Variants in RNF220 observed in about 807,000 individuals in gnomAD.
RNF220 encodes E3 ubiquitin-protein ligase RNF220.
Under a neutral mutation model 67.1 loss-of-function variants are expected in RNF220, and 7 were observed. The observed-to-expected ratio is 0.10, with a 90% CI of 0.06 to 0.20. RNF220 has a LOEUF of 0.20. RNF220 is among the 10% of genes least tolerant of loss of function. The probability of loss-of-function intolerance (pLI) is 1.00; values close to 1 mark genes in which losing one functional copy is unlikely to be tolerated. For missense variants in RNF220, 565 were observed against 740.3 expected, an observed-to-expected ratio of 0.76 and a Z score of 2.75; for synonymous variants, 270 against 283.2, an observed-to-expected ratio of 0.95 and a Z score of 0.47.
In RNF220 at chr1:44,651,476, A is replaced by C. The variant is rs1644785005; in HGVS notation, c.*701A>C. 1 of 152,974 alleles carries C rather than the reference A, an allele frequency of 6.5e-6. No homozygotes were observed. Among genetic ancestry groups the C allele is most frequent in the African/African-American group, 2.4e-5 (1 of 41,460 alleles). The allele number at this position is 152,974 out of a possible 1,614,324, so 9.5% of individuals were successfully genotyped here. A position where few individuals can be genotyped will look rare whatever the true frequency, so the allele number is the denominator to read the frequency against. On this transcript the variant is annotated 3_prime_UTR_variant, in exon 15 of 15. Coordinates refer to ENST00000361799, the MANE Select transcript of RNF220 (RefSeq NM_018150.4). ...TTATAAGGAGTTGGGGGGTAGAGGC[A>C]GGAAATGGGAACCGAGCTGAAGCAG... is the stretch of plus-strand genomic sequence containing the variant.
intron 8 of RNF220, among the ~76,000 whole-genome samples, chr1:44,639,671 C>T (rs752761252): frequency 6.6e-6 from 1 of 152,238 alleles, no homozygotes; most frequent in Non-Finnish European, 1.5e-5. Context: ...TCTTATCTTT[C>T]ATGAGTTCCT....
At chr1:44,591,691 C>T (rs12127289) in intron 2 of RNF220, among the ~76,000 whole-genome samples, 49,084 of 151,980 alleles carry the variant, frequency 0.32, 8,096 homozygotes, top group African/African-American at 0.34. Flanking sequence ...ATAAGTCCTC[C>T]CGGCTCTGAA....
At chr1:44,440,283 G>T (rs1306591035) in intron 2 of RNF220, among the ~76,000 whole-genome samples, 1 of 152,200 alleles carries the variant, frequency 6.6e-6, no homozygotes, top group South Asian at 2.1e-4. Context: ...ATTGCAGAGG[G>T]TTCTGTTGGA....
intron 2 of RNF220, among the ~76,000 whole-genome samples, chr1:44,594,838 A>G (rs540402309): frequency 6.6e-6 from 1 of 152,320 alleles, no homozygotes; most frequent in East Asian, 1.9e-4. Flanking sequence ...AGTTAGGTTT[A>G]GGTTCAGAGC....
intron 2 of RNF220, among the ~76,000 whole-genome samples, chr1:44,458,476 C>G (rs1275694747): frequency 6.6e-6 from 1 of 151,936 alleles, no homozygotes; most frequent in Non-Finnish European, 1.5e-5. Context: ...TCCTCAGTAA[C>G]CACTTCAGAG....
At chr1:44,443,006 C>T (rs1333200296) in intron 2 of RNF220, among the ~76,000 whole-genome samples, 1 of 152,188 alleles carries the variant, frequency 6.6e-6, no homozygotes, top group African/African-American at 2.4e-5. Flanking sequence ...AATAAGACTT[C>T]TCAAATAACT....
intron 2 of RNF220, among the ~76,000 whole-genome samples, chr1:44,478,057 C>T (rs1655447485): frequency 1.3e-5 from 2 of 152,196 alleles, no homozygotes; most frequent in South Asian, 4.1e-4. Flanking sequence ...CGGCTCACTG[C>T]AGCCTCTGCC....
chr1:44,407,424 G>T (rs978325402), intron 1 of RNF220, among the ~76,000 whole-genome samples: 1 of 152,216 alleles, frequency 6.6e-6, no homozygotes, highest in African/African-American at 2.4e-5. Context: ...ATGAGCAGAG[G>T]GGGGAAAGGC....
chr1:44,557,007 C>G (rs1023670575), intron 2 of RNF220, among the ~76,000 whole-genome samples: 3 of 151,728 alleles, frequency 2.0e-5, no homozygotes, highest in Non-Finnish European at 4.4e-5. Context: ...ACAATCCCTC[C>G]GCTAATAGGG....
chr1:44,421,478 A>C lies in RNF220; in HGVS notation c.625+8756A>C, dbSNP rs531356184. On this transcript the variant is annotated intron_variant, in intron 2 of 14. Coordinates refer to ENST00000361799, the MANE Select transcript of RNF220 (RefSeq NM_018150.4). ...GAGACAAATCTGTGAACCTTCCCCC[A>C]TCTGTGTGTGTCACAGTCCCACAGC... 4.4e-4 allele frequency among the ~76,000 whole-genome samples: 67 copies of C among 151,984 alleles called. 1 individual carries two copies. The highest frequency in any genetic ancestry group is 1.6e-3 in the African/African-American group (67 of 41,426).
chr1:44,483,476 T>C (rs2148029349), intron 2 of RNF220, among the ~76,000 whole-genome samples: 1 of 152,300 alleles, frequency 6.6e-6, no homozygotes, highest in Admixed American at 6.5e-5. Context: ...AATATACTCA[T>C]CATACTAACA....
rs750551918 is a variant in RNF220, at chr1:44,412,142, C to T, written c.45C>T (p.Tyr15=). 2.1e-5 allele frequency: 34 copies of T among 1,613,934 alleles called. No individual in the cohort carries two copies. The highest frequency in any genetic ancestry group is 2.7e-5 in the Non-Finnish European group (32 of 1,179,952). ...RAAFKMENSS[Y]LPNPLASPAL... ...CCTTCAAGATGGAGAACTCATCCTA[C>T]CTTCCCAACCCTCTGGCATCCCCAG... The change falls in exon 2 of 15, where the codon TAC becomes TAT. Residue 15 remains tyrosine, a synonymous_variant. Transcript: ENST00000361799. The surrounding 1 kb of genome is among the most constrained non-coding windows in gnomAD (Gnocchi z 5.3).
chr1:44,434,059 C>T (rs1247693009), intron 2 of RNF220, among the ~76,000 whole-genome samples: 2 of 152,000 alleles, frequency 1.3e-5, no homozygotes, highest in Non-Finnish European at 2.9e-5. Flanking sequence ...CTGATTATTA[C>T]ATGATTAGTT....
chr1:44,596,262 G>T (rs1386934626), intron 2 of RNF220, among the ~76,000 whole-genome samples: 1 of 152,006 alleles, frequency 6.6e-6, no homozygotes, highest in East Asian at 1.9e-4. Context: ...GGGCAGAGAA[G>T]TAAAAAGACA....
chr1:44,628,731 CTA>C (rs1173347077), intron 5 of RNF220, among the ~76,000 whole-genome samples: 2 of 152,246 alleles, frequency 1.3e-5, no homozygotes, highest in Non-Finnish European at 2.9e-5. Context: ...TTTCTTGCCT[CTA>C]TGTCTTTTCA....
intron 5 of RNF220, among the ~76,000 whole-genome samples, chr1:44,627,753 CAG>C (rs1643999078): frequency 6.6e-6 from 1 of 152,212 alleles, no homozygotes; most frequent in Non-Finnish European, 1.5e-5. Flanking sequence ...TACAGAAAGA[CAG>C]GGCTGCAGGG....
intron 5 of RNF220, among the ~76,000 whole-genome samples, chr1:44,630,862 G>A (rs1644095385): frequency 2.0e-5 from 3 of 152,260 alleles, no homozygotes. Flanking sequence ...GGCAGACAGG[G>A]AAGGCCTATA....
rs140258405 is a variant in RNF220, at chr1:44,552,732, G to A, written c.626-61433G>A. ...ACTACGGGCACCCGCCACCACGCCC[G>A]GCTAATTTTTGTATATTTAGTGGAG... On this transcript the variant is annotated intron_variant, in intron 2 of 14. Transcript: ENST00000361799. Among the ~76,000 whole-genome samples the A allele has an allele frequency of 8.4e-3, 1,280 of 151,672 alleles. 22 individuals carry two copies. The highest frequency in any genetic ancestry group is 0.03 in the African/African-American group (1,235 of 41,360).
intron 2 of RNF220, among the ~76,000 whole-genome samples, chr1:44,553,995 C>A (rs1430263555): frequency 1.3e-5 from 2 of 152,126 alleles, no homozygotes; most frequent in Non-Finnish European, 2.9e-5. Flanking sequence ...GCAATACTCA[C>A]CCCAACTGCT....
Sources: allele counts gnomAD v4.1 joint callset (sites outside exome capture counted in the v4.1 genomes callset), GRCh38; gene constraint gnomAD v4.1.1; non-coding constraint Gnocchi (gnomAD v3.1); transcripts MANE v1.5; gene names NCBI Gene and HGNC (gene_info 2026-07-23, HGNC 2026-07-21).